The following NBEAL1 variants were observed in gnomAD, a reference collection of about 807,000 sequenced individuals.
NBEAL1 encodes the protein neurobeachin-like protein 1.
Under a neutral mutation model 351.3 loss-of-function variants are expected in NBEAL1, and 273 were observed. The observed-to-expected ratio is 0.78, with a 90% CI of 0.70 to 0.86. NBEAL1 has a LOEUF of 0.86. NBEAL1 is among the 40% of genes least tolerant of loss of function. The probability of loss-of-function intolerance (pLI) is 0.00; values close to 1 mark genes in which losing one functional copy is unlikely to be tolerated. For synonymous variants in NBEAL1, 1,050 were observed against 1,086.4 expected (o/e 0.97, Z 0.66); for missense variants, 2,961 against 3,201.3 (o/e 0.92, Z 1.81).
At chr2:203,066,925 C>T (rs1205462059) in intron 6 of NBEAL1, among the ~76,000 whole-genome samples, 1 of 143,502 alleles carries the variant, frequency 7.0e-6, no homozygotes, top group Non-Finnish European at 1.5e-5. Context: ...CCCCACCTCC[C>T]AGACAAAGGG....
At position 203,062,524 on chromosome 2, in the gene NBEAL1, C is replaced by T. The variant is rs888710360; in HGVS notation, c.515+5071C>T. 1 of 243,328 alleles carries T rather than the reference C, an allele frequency of 4.1e-6. No individual in the cohort carries two copies. The highest frequency in any genetic ancestry group is 5.2e-5 in the Admixed American group (1 of 19,356). 15.1% of individuals were successfully genotyped at this position (243,328 alleles called of 1,614,324 possible). On this transcript the variant is annotated intron_variant, in intron 6 of 55. Transcript: ENST00000683969. This position sits in a 1 kb window ranked among gnomAD's most constrained non-coding sequence, Gnocchi z 4.2. ...CTCTCAGAGCTGAGGAGAGGGAGCC[C>T]AAGCTAGGAGCGCAGCCCAGAGACC...
chr2:203,032,528 C>T (rs888774597), intron 2 of NBEAL1, among the ~76,000 whole-genome samples: 7 of 151,442 alleles, frequency 4.6e-5, no homozygotes, highest in Non-Finnish European at 8.8e-5. Flanking sequence ...GGCGTGGTGT[C>T]GGGCACCTGT....
chr2:203,128,130 G>C (rs571585870), intron 24 of NBEAL1, among the ~76,000 whole-genome samples, 193 bp downstream of exon 24: 4 of 151,720 alleles, frequency 2.6e-5, no homozygotes, highest in African/African-American at 9.7e-5. Flanking sequence ...TGTCACCCAG[G>C]CTGGAGTGCA....
intron 19 of NBEAL1, among the ~76,000 whole-genome samples, chr2:203,124,179 A>T (rs985819061): frequency 6.6e-6 from 1 of 152,128 alleles, no homozygotes; most frequent in Admixed American, 6.6e-5. Flanking sequence ...CAAAAAATAC[A>T]CACGTTAGCT....
chr2:203,207,789 G>A (rs1009439392), intron 51 of NBEAL1, among the ~76,000 whole-genome samples: 2 of 152,182 alleles, frequency 1.3e-5, no homozygotes, highest in African/African-American at 4.8e-5. Flanking sequence ...AGGCCGCAGG[G>A]TCCTCTGCAA....
intron 36 of NBEAL1, among the ~76,000 whole-genome samples, chr2:203,165,781 G>T (rs1575071106): frequency 6.6e-6 from 1 of 152,188 alleles, no homozygotes; most frequent in East Asian, 1.9e-4. Flanking sequence ...AGTGGCTCAT[G>T]CATATTATCC....
At chr2:203,148,362 A>G (rs2063561724) in intron 33 of NBEAL1, among the ~76,000 whole-genome samples, 1 of 152,072 alleles carries the variant, frequency 6.6e-6, no homozygotes, top group Admixed American at 6.5e-5. Context: ...ACTCCAAGGC[A>G]TGTATTTTTA....
At chr2:203,093,763 G>A (rs1050011756) in intron 10 of NBEAL1, among the ~76,000 whole-genome samples, 2 of 151,924 alleles carry the variant, frequency 1.3e-5, no homozygotes, top group African/African-American at 4.8e-5. Context: ...CTGAAGAATC[G>A]TTTGAACTTA....
chr2:203,056,496 C>A lies in NBEAL1; in HGVS notation c.375C>A (p.Leu125=), dbSNP rs2061404577. The change falls in exon 5 of 56, where the codon CTC becomes CTA. Residue 125 remains leucine (L), a synonymous_variant. Coordinates refer to ENST00000683969, the MANE Select transcript of NBEAL1 (RefSeq NM_001378026.1). Reference sequence around the variant, plus strand: ...ATTATGTCATCACCATGACAACACTCTATATTCAGCAAGTAGGTGTGAACT... The same window carrying A: ...ATTATGTCATCACCATGACAACACTATATATTCAGCAAGTAGGTGTGAACT... ...YINYVITMTT[L]YIQQLKSKKK... is the part of the protein sequence containing the mutation. 1.3e-6 allele frequency: 2 copies of A among 1,532,854 alleles called. No individual in the cohort carries two copies. The highest frequency in any genetic ancestry group is 1.4e-5 in the African/African-American group (1 of 73,134). 95.0% of individuals were successfully genotyped at this position (1,532,854 alleles called of 1,614,324 possible).
chr2:203,201,692 T>C lies in NBEAL1; in HGVS notation c.7388T>C (p.Ile2463Thr), dbSNP rs1329598920. The change falls in exon 50 of 56, where the codon ATC (isoleucine) becomes ACC (threonine). Residue 2463 changes from isoleucine to threonine, a missense_variant. Coordinates refer to ENST00000683969, the MANE Select transcript of NBEAL1 (RefSeq NM_001378026.1). ...QVMSLTKGKI[I>T]SHIIRHMDIV... ...ATGTCACTTACAAAAGGCAAAATTATCTCACACATCATCCGGCATATGGGT... is the reference window on the plus strand; with the variant it reads ...ATGTCACTTACAAAAGGCAAAATTACCTCACACATCATCCGGCATATGGGT... The C allele has an allele frequency of 6.2e-7, 1 of 1,603,144 alleles. No homozygotes were observed. The highest frequency in any genetic ancestry group is 1.7e-5 in the Admixed American group (1 of 58,548).
chr2:203,201,734 T>G lies in NBEAL1; in HGVS notation c.7411+19T>G. 1 of 1,544,852 alleles carries G rather than the reference T, an allele frequency of 6.5e-7. No individual in the cohort carries two copies. Among genetic ancestry groups the G allele is most frequent in the Non-Finnish European group, 8.7e-7 (1 of 1,143,396 alleles). ...CATATGGGTAAGCATTAGCTTTTTT[T>G]CCAAAAATGCTCAAAAATTTTCTTT... On this transcript the variant is annotated intron_variant, in intron 50 of 55. Transcript: ENST00000683969.
At chr2:203,015,238 T>G (rs78115373) in intron 1 of NBEAL1, among the ~76,000 whole-genome samples, 2,649 of 152,268 alleles carry the variant, frequency 0.017, 79 homozygotes, top group East Asian at 0.094. Flanking sequence ...TGGGTTGTCT[T>G]GGGATGTGAG....
chr2:203,017,746 C>A (rs1380955039), intron 2 of NBEAL1, among the ~76,000 whole-genome samples: 4 of 151,970 alleles, frequency 2.6e-5, no homozygotes, highest in Non-Finnish European at 5.9e-5. Context: ...GGTATATTTA[C>A]TATTAAATTT....
intron 12 of NBEAL1, among the ~76,000 whole-genome samples, chr2:203,105,341 C>T (rs2062412793): frequency 6.6e-6 from 1 of 152,012 alleles, no homozygotes; most frequent in South Asian, 2.1e-4. Flanking sequence ...TGGCGGGCGC[C>T]TGTAGTCCCA....
chr2:203,055,186 G>A (rs945114854), intron 4 of NBEAL1, among the ~76,000 whole-genome samples: 2 of 152,122 alleles, frequency 1.3e-5, no homozygotes, highest in Non-Finnish European at 2.9e-5. Flanking sequence ...TGTTCTCAGG[G>A]AGAGGACTGA....
rs375138688 is a variant in NBEAL1 at position 203,056,484 on chromosome 2, C to T, written c.363C>T (p.Thr121=). The T allele has an allele frequency of 4.2e-5, 65 of 1,542,240 alleles. No individual in the cohort carries two copies. The African/African-American group carries it at 5.9e-4, about 14-fold the overall frequency. ...GTCSYINYVI[T]MTTLYIQQLK... ...GCTCGTACATTAATTATGTCATCAC[C>T]ATGACAACACTCTATATTCAGCAAG... Residue 121 remains threonine, a synonymous_variant, in exon 5 of 56, where the codon ACC becomes ACT. Coordinates refer to ENST00000683969, the MANE Select transcript of NBEAL1 (RefSeq NM_001378026.1).
At position 203,107,441 on chromosome 2, in the gene NBEAL1, G is replaced by T; in HGVS notation, c.1291G>T (p.Gly431Cys). The stretch of plus-strand genomic sequence containing the variant: ...CTAGGAAGTATTTAAAGAAAGAATT[G>T]GTTATACACATATGCTTGAAGTATT... ...AAKEVFKERI[G>C]YTHMLEVLKS... Residue 431 changes from glycine to cysteine, a missense_variant, in exon 13 of 56, where the codon GGT becomes TGT. Physicochemically the swap from Gly to Cys is radical, Grantham distance 159. Transcript: ENST00000683969. The T allele has an allele frequency of 6.5e-7, 1 of 1,545,944 alleles. No homozygotes were observed. Among genetic ancestry groups the T allele is most frequent in the East Asian group, 2.4e-5 (1 of 40,988 alleles).
chr2:203,109,977 A>G (rs532579893), intron 14 of NBEAL1, among the ~76,000 whole-genome samples, 173 bp from the exon 15 acceptor site: 1 of 152,248 alleles, frequency 6.6e-6, no homozygotes, highest in Non-Finnish European at 1.5e-5. Flanking sequence ...TATGACCAAA[A>G]TGGATTTTAA....
At chr2:203,035,340 C>G (rs560765502) in intron 2 of NBEAL1, among the ~76,000 whole-genome samples, 1 of 149,356 alleles carries the variant, frequency 6.7e-6, no homozygotes, top group Admixed American at 6.7e-5. Flanking sequence ...AAATTTAACA[C>G]ATCTCATTAG....
Sources: gnomAD v4.1 joint callset for allele counts (sites outside exome capture counted in the v4.1 genomes callset) on GRCh38, gnomAD v4.1.1 for gene constraint, Gnocchi (gnomAD v3.1) non-coding constraint, MANE v1.5 for transcripts, NCBI Gene and HGNC (gene_info 2026-07-23, HGNC 2026-07-21) for gene names.